The following DIAPH2 variants were observed in gnomAD, a reference collection of about 807,000 sequenced individuals.
The protein encoded by DIAPH2 is diaphanous related formin 2, also known as protein diaphanous homolog 2.
Under a neutral mutation model 92.7 loss-of-function variants are expected in DIAPH2, and 35 were observed. The observed-to-expected ratio is 0.38, with a 90% CI of 0.29 to 0.50. The LOEUF is 0.50. Among genes scored for constraint, DIAPH2 ranks in the 20% least tolerant of loss-of-function variants. The probability of loss-of-function intolerance (pLI) is 0.94; values close to 1 mark genes in which losing one functional copy is unlikely to be tolerated. For synonymous variants in DIAPH2, 301 were observed against 280.4 expected, an observed-to-expected ratio of 1.07 and a Z score of -0.73; for missense variants, 701 against 819.5, an observed-to-expected ratio of 0.86 and a Z score of 1.77.
At position 97,000,472 on chromosome X, in the gene DIAPH2, A is replaced by G. The variant is rs767025182; in HGVS notation, c.2050+35265A>G. Among the ~76,000 whole-genome samples the G allele has an allele frequency of 9.0e-5, 10 of 111,526 alleles. No homozygotes were observed. The East Asian group carries it at 2.8e-3, about 31-fold the overall frequency. On this transcript the variant is annotated intron_variant, in intron 17 of 26. Transcript: ENST00000324765. ...TTTAGTGATTCAGATTTCCATAAAC[A>G]TGAGTTTCTGTAAAACATTTATAAT...
intron 26 of DIAPH2, among the ~76,000 whole-genome samples, chrX:97,514,928 A>G (rs1053352378): frequency 1.8e-5 from 2 of 111,184 alleles, no homozygotes; most frequent in South Asian, 3.9e-4. Flanking sequence ...TCAGACAGGG[A>G]CATTTAAGTC....
At position 97,393,542 on chromosome X, in the gene DIAPH2, G is replaced by A. The variant is rs138665163; in HGVS notation, c.3145+9498G>A. On this transcript the variant is annotated intron_variant, in intron 25 of 26. Coordinates refer to ENST00000324765, the MANE Select transcript of DIAPH2 (RefSeq NM_006729.5). ...AGTCAACAAATGTACTCTAAAATGC[G>A]TGCAACAGTATGCAAACTATGTAAA... Among the ~76,000 whole-genome samples the A allele has an allele frequency of 1.6e-3, 180 of 111,585 alleles. 2 individuals are homozygous for A. In the East Asian group the frequency reaches 0.044, roughly 27 times the overall value.
At chrX:96,824,664 A>G (rs1314407658) in intron 4 of DIAPH2, among the ~76,000 whole-genome samples, 1 of 111,420 alleles carries the variant, frequency 9.0e-6, no homozygotes, top group East Asian at 2.8e-4. Flanking sequence ...CAATCTCAGG[A>G]GCTATTTAAG....
At chrX:97,463,723 C>G (rs1169054767) in intron 26 of DIAPH2, among the ~76,000 whole-genome samples, 1 of 110,998 alleles carries the variant, frequency 9.0e-6, no homozygotes, top group Non-Finnish European at 1.9e-5. Flanking sequence ...CACAAAAATC[C>G]TATTAGGTTA....
intron 26 of DIAPH2, among the ~76,000 whole-genome samples, chrX:97,529,242 T>A (rs1421633626): frequency 4.5e-5 from 5 of 111,729 alleles, no homozygotes; most frequent in Non-Finnish European, 9.4e-5. Flanking sequence ...ATGAGGCAAC[T>A]TGGCTTTATT....
chrX:97,033,093 G>A (rs1266032874), intron 17 of DIAPH2, among the ~76,000 whole-genome samples: 1 of 111,727 alleles, frequency 9.0e-6, no homozygotes, highest in Non-Finnish European at 1.9e-5. Context: ...CATCTACAAA[G>A]AGGTTGCTTC....
At chrX:97,081,224 T>C (rs1048347170) in intron 19 of DIAPH2, among the ~76,000 whole-genome samples, 1 of 112,009 alleles carries the variant, frequency 8.9e-6, no homozygotes, top group Non-Finnish European at 1.9e-5. Context: ...GCTGCTCTTC[T>C]TTCACATCTT....
intron 23 of DIAPH2, among the ~76,000 whole-genome samples, chrX:97,253,117 C>T (rs1186365849): frequency 9.2e-6 from 1 of 108,902 alleles, no homozygotes; most frequent in Non-Finnish European, 1.9e-5. Context: ...GGTAAAACCC[C>T]GTCTCTACTA....
intron 23 of DIAPH2, among the ~76,000 whole-genome samples, chrX:97,299,721 A>G (rs950793920): frequency 1.8e-5 from 2 of 112,457 alleles, no homozygotes; most frequent in African/African-American, 6.4e-5. Context: ...ATATTTTTGT[A>G]TTTCAATAAA....
At chrX:96,844,821 C>G (rs760881544) in intron 4 of DIAPH2, among the ~76,000 whole-genome samples, 1 of 111,732 alleles carries the variant, frequency 8.9e-6, no homozygotes, top group South Asian at 3.8e-4. Flanking sequence ...TTCTCTGAAC[C>G]CCCCTATTCA....
chrX:96,789,087 A>T (rs1292597989), intron 4 of DIAPH2, among the ~76,000 whole-genome samples: 3 of 112,351 alleles, frequency 2.7e-5, no homozygotes, highest in African/African-American at 9.7e-5. Context: ...GTAGAGATGC[A>T]CAGCCAGATC....
At chrX:97,500,952 C>G (rs1471706960) in intron 26 of DIAPH2, among the ~76,000 whole-genome samples, 1 of 107,872 alleles carries the variant, frequency 9.3e-6, no homozygotes, top group Non-Finnish European at 1.9e-5. Context: ...CTTTTTATTC[C>G]AACCTTCCAT....
intron 4 of DIAPH2, among the ~76,000 whole-genome samples, chrX:96,811,256 G>A (rs750640348): frequency 9.0e-6 from 1 of 111,182 alleles, no homozygotes. Flanking sequence ...TGGATTCCTA[G>A]GTATTTTATT....
At chrX:97,436,342 AT>A (rs1178462114) in intron 26 of DIAPH2, among the ~76,000 whole-genome samples, 6 of 111,622 alleles carry the variant, frequency 5.4e-5, no homozygotes, top group Admixed American at 9.6e-5. Flanking sequence ...CAAGAGAAGC[AT>A]TATGAAGAAA....
intron 17 of DIAPH2, among the ~76,000 whole-genome samples, chrX:97,008,990 G>T (rs781432336): frequency 1.6e-4 from 18 of 111,502 alleles, no homozygotes; most frequent in African/African-American, 5.9e-4. Flanking sequence ...AAGCCAGCCA[G>T]GGTTGTCTTC....
chrX:97,420,187 A>G (rs147057519), intron 25 of DIAPH2, among the ~76,000 whole-genome samples: 8 of 111,597 alleles, frequency 7.2e-5, no homozygotes, highest in Admixed American at 1.9e-4. Flanking sequence ...AAACTCTCTC[A>G]CCTTATGCAA....
chrX:97,255,156 C>T (rs1438119681), intron 23 of DIAPH2, among the ~76,000 whole-genome samples: 8 of 111,811 alleles, frequency 7.2e-5, no homozygotes, highest in African/African-American at 2.6e-4. Flanking sequence ...TGGTATTGTG[C>T]TGCCTCCGAG....
intron 23 of DIAPH2, among the ~76,000 whole-genome samples, chrX:97,293,923 A>G (rs1164552411): frequency 8.9e-6 from 1 of 112,215 alleles, no homozygotes; most frequent in Non-Finnish European, 1.9e-5. Context: ...TATTTCTTTT[A>G]TGATATTAAT....
chrX:96,710,917 A>C (rs2063914136), intron 1 of DIAPH2, among the ~76,000 whole-genome samples: 1 of 111,436 alleles, frequency 9.0e-6, no homozygotes, highest in South Asian at 3.8e-4. Context: ...GCACCCACTT[A>C]TGAGTGAGAA....
Sources: gnomAD v4.1 joint callset for allele counts (sites outside exome capture counted in the v4.1 genomes callset) on GRCh38, gnomAD v4.1.1 for gene constraint, MANE v1.5 for transcripts, NCBI Gene and HGNC (gene_info 2026-07-23, HGNC 2026-07-21) for gene names.